ITGA6: variants seen among roughly 807,000 people sequenced by gnomAD.
The protein encoded by ITGA6 is integrin alpha-6.
ITGA6 carries 63 observed loss-of-function variants against 133.6 expected under a neutral mutation model. The ratio of observed to expected loss-of-function variants is 0.47; its 90% CI spans 0.38 to 0.58. The LOEUF (loss-of-function observed/expected upper bound fraction) is 0.58, where lower values mean the gene tolerates loss of function less well. Among genes scored for constraint, ITGA6 ranks in the 20% least tolerant of loss-of-function variants. The pLI is 0.00. For synonymous variants in ITGA6, 434 were observed against 482.0 expected (o/e 0.90, Z 1.30); for missense variants, 1,068 against 1,309.4 (o/e 0.82, Z 2.85).
At position 172,470,999 on chromosome 2, in the gene ITGA6, T is replaced by C; in HGVS notation, c.669T>C (p.Asn223=). 6.2e-7 allele frequency: 1 copy of C among 1,614,110 alleles called. No individual in the cohort carries two copies. Among genetic ancestry groups the C allele is most frequent in the Non-Finnish European group, 8.5e-7 (1 of 1,179,950 alleles). The change falls in exon 5 of 26, where the codon AAT becomes AAC. Residue 223 remains asparagine, a synonymous_variant. Coordinates refer to ENST00000684293, the MANE Select transcript of ITGA6 (RefSeq NM_000210.4). ...GGATTGTTCGTGTAGAGCAAAAGAA[T>C]AACACTTTTTTTGACATGAACATCT... The part of the protein sequence containing the change: ...WKGIVRVEQK[N]NTFFDMNIFE...
intron 11 of ITGA6, among the ~76,000 whole-genome samples, chr2:172,482,207 C>T (rs1209276749): frequency 6.6e-6 from 1 of 152,176 alleles, no homozygotes; most frequent in Non-Finnish European, 1.5e-5. Flanking sequence ...CTCCATTAAC[C>T]AAGTGTTTAT....
upstream of ITGA6, chr2:172,427,493 G>A (rs1313348757): frequency 5.3e-5 from 58 of 1,095,392 alleles, no homozygotes; most frequent in Middle Eastern, 8.1e-4. Flanking sequence ...CGGTGCGCCG[G>A]GCCGCGGGCG....
intron 1 of ITGA6, among the ~76,000 whole-genome samples, chr2:172,456,677 A>AG (rs1559126961): frequency 6.6e-6 from 1 of 152,200 alleles, no homozygotes; most frequent in African/African-American, 2.4e-5. Flanking sequence ...ACCCCCAGGA[A>AG]GAGAGGGATT....
chr2:172,457,447 T>C (rs921729798), intron 1 of ITGA6, among the ~76,000 whole-genome samples: 11 of 152,224 alleles, frequency 7.2e-5, no homozygotes, highest in Non-Finnish European at 1.6e-4. Flanking sequence ...CATTGCTCTC[T>C]GATGAAGTAA....
chr2:172,502,709 T>G (rs1687396977), intron 25 of ITGA6, among the ~76,000 whole-genome samples: 1 of 152,204 alleles, frequency 6.6e-6, no homozygotes, highest in South Asian at 2.1e-4. Flanking sequence ...TTATCCAACC[T>G]TGGATCTCAG....
At chr2:172,442,378 C>CT (rs1684581720) in intron 1 of ITGA6, among the ~76,000 whole-genome samples, 1 of 152,172 alleles carries the variant, frequency 6.6e-6, no homozygotes, top group Non-Finnish European at 1.5e-5. Context: ...TGCTTTCAGT[C>CT]TGAATATTGG....
intron 2 of ITGA6, among the ~76,000 whole-genome samples, chr2:172,466,526 G>A (rs751475872): frequency 7.9e-5 from 12 of 152,090 alleles, no homozygotes; most frequent in Non-Finnish European, 1.6e-4. Context: ...AGGCTGAGGC[G>A]TGAGAATTGT....
chr2:172,487,389 A>C lies in ITGA6; in HGVS notation c.2096A>C (p.Lys699Thr). The change falls in exon 15 of 26, where the codon AAA becomes ACA. Residue 699 changes from lysine to threonine, a missense_variant. Around this residue, in one of 3 missense-constraint regions of ITGA6, gnomAD observed 609 missense variants for 707.2 expected, o/e 0.86. Transcript: ENST00000684293. The stretch of plus-strand genomic sequence containing the variant: ...GATGGCGATGACGCCCATGAGGCTA[A>C]ACTGATTGCAACGTTTCCAGACACT... ...TKDGDDAHEA[K>T]LIATFPDTLT... 6.2e-7 allele frequency: 1 copy of C among 1,614,218 alleles called. No individual in the cohort carries two copies. The highest frequency in any genetic ancestry group is 8.5e-7 in the Non-Finnish European group (1 of 1,180,000).
chr2:172,433,785 A>T (rs1287860212), intron 1 of ITGA6, among the ~76,000 whole-genome samples: 2 of 152,182 alleles, frequency 1.3e-5, no homozygotes, highest in Non-Finnish European at 2.9e-5. Flanking sequence ...TGAAAAGTGC[A>T]TCTCAGAAGA....
In ITGA6 at chr2:172,505,840, C is replaced by G. The variant is rs1431344342; in HGVS notation, c.*1772C>G. The stretch of plus-strand genomic sequence containing the variant: ...TTTGTTTACAAAAATTTCTGTAAAA[C>G]AGGTTATAACAGTGTTTAAAGTCTC... On this transcript the variant is annotated 3_prime_UTR_variant, in exon 26 of 26. Coordinates refer to ENST00000684293, the MANE Select transcript of ITGA6 (RefSeq NM_000210.4). 6.6e-6 allele frequency: 1 copy of G among 152,376 alleles called. No homozygotes were observed. The highest frequency in any genetic ancestry group is 1.5e-5 in the Non-Finnish European group (1 of 67,972). The allele number at this position is 152,376 out of a possible 1,614,324, so 9.4% of individuals were successfully genotyped here.
intron 23 of ITGA6, 106 bp from the exon 24 acceptor site, chr2:172,497,869 G>A: frequency 8.6e-7 from 1 of 1,157,222 alleles, no homozygotes; most frequent in East Asian, 2.4e-5. Flanking sequence ...CCATTCACAG[G>A]CTGCATTGTC....
At chr2:172,436,742 T>G (rs1221340431) in intron 1 of ITGA6, among the ~76,000 whole-genome samples, 1 of 152,188 alleles carries the variant, frequency 6.6e-6, no homozygotes, top group African/African-American at 2.4e-5. Flanking sequence ...TCAACAGATA[T>G]TCACTGAGTA....
intron 23 of ITGA6, among the ~76,000 whole-genome samples, chr2:172,493,627 C>T (rs1277444277): frequency 2.6e-5 from 4 of 152,122 alleles, no homozygotes; most frequent in Non-Finnish European, 5.9e-5. Flanking sequence ...TCAATTGAAA[C>T]CTGTAATTGT....
intron 23 of ITGA6, among the ~76,000 whole-genome samples, chr2:172,497,520 A>G (rs1026361304): frequency 1.3e-5 from 2 of 151,126 alleles, no homozygotes; most frequent in Admixed American, 6.6e-5. Flanking sequence ...AAAAAAAAAA[A>G]GTATGATTGT....
At position 172,504,272 on chromosome 2, in the gene ITGA6, A is replaced by AT. The variant is rs61499296; in HGVS notation, c.*204_*205insT. On this transcript the variant is annotated 3_prime_UTR_variant, in exon 26 of 26. Transcript: ENST00000684293. ...TCATAGCGGGGGCCTAAAAAAAAAAAGCTTCACAGTACCCAAACTGCTTTT... is the reference window on the plus strand; with the variant it reads ...TCATAGCGGGGGCCTAAAAAAAAAAATGCTTCACAGTACCCAAACTGCTTTT... 221,801 of 1,499,154 alleles carry AT rather than the reference A, an allele frequency of 0.15. 7,920 individuals carry two copies. Among genetic ancestry groups the AT allele is most frequent in the Middle Eastern group, 0.17 (980 of 5,714 alleles). 92.9% of individuals were successfully genotyped at this position (1,499,154 alleles called of 1,614,324 possible). A position where few individuals can be genotyped will look rare whatever the true frequency, so the allele number is the denominator to read the frequency against.
intron 1 of ITGA6, among the ~76,000 whole-genome samples, chr2:172,435,027 A>AGTGTGTGTGTGTGTGTGT (rs72087668): frequency 2.2e-4 from 32 of 144,162 alleles, no homozygotes; most frequent in African/African-American, 7.9e-4. Flanking sequence ...GGTGGTTTTA[A>AGTGTGTGTGTGTGTGTGT]GTGTGTGTGT....
Position 172,491,965 on chromosome 2 carries a change from G to A in ITGA6, c.2988+442G>A, listed in dbSNP as rs889902732. Among the ~76,000 whole-genome samples, 3 of 152,172 alleles carry A rather than the reference G, an allele frequency of 2.0e-5. No homozygotes were observed. The highest frequency in any genetic ancestry group is 7.2e-5 in the African/African-American group (3 of 41,462). On this transcript the variant is annotated intron_variant, in intron 23 of 25. Coordinates refer to ENST00000684293, the MANE Select transcript of ITGA6 (RefSeq NM_000210.4). The surrounding 1 kb of genome is among the most constrained non-coding windows in gnomAD (Gnocchi z 4.4). Reference sequence around the variant, plus strand: ...TGCCCCTCAAACAAGTCTAAAATAAGTTCTCTCTCTTGGCCATGTAGCAGC... The same window carrying A: ...TGCCCCTCAAACAAGTCTAAAATAAATTCTCTCTCTTGGCCATGTAGCAGC...
At chr2:172,460,496 T>TA (rs1161589049) in intron 1 of ITGA6, among the ~76,000 whole-genome samples, 2 of 152,228 alleles carry the variant, frequency 1.3e-5, no homozygotes. Flanking sequence ...TTCCTTTTCA[T>TA]ATTATGGGGC....
intron 1 of ITGA6, among the ~76,000 whole-genome samples, chr2:172,441,559 TAAAAAAAAAAAAAAAAAAAAAAAA>T (rs57828626): frequency 3.3e-4 from 16 of 48,854 alleles, no homozygotes; most frequent in African/African-American, 1.1e-3. Context: ...GCTGTCTCTT[TAAAAAAAAAAAAAAAAAAAAAAAA>T]AAAAAAAAAA....
Sources: gnomAD v4.1 joint callset for allele counts (sites outside exome capture counted in the v4.1 genomes callset) on GRCh38, gnomAD v4.1.1 for gene constraint, gnomAD v4.1.1 regional missense constraint, Gnocchi (gnomAD v3.1) non-coding constraint, MANE v1.5 for transcripts, NCBI Gene and HGNC (gene_info 2026-07-23, HGNC 2026-07-21) for gene names.